The following THSD7A variants were observed in gnomAD, a reference collection of about 807,000 sequenced individuals.
THSD7A encodes the protein thrombospondin type-1 domain-containing protein 7A.
THSD7A carries 96 observed loss-of-function variants against 231.3 expected under a neutral mutation model. That is an observed-to-expected ratio of 0.41 (90% CI 0.35 to 0.49). The LOEUF (loss-of-function observed/expected upper bound fraction) is 0.49, where lower values mean the gene tolerates loss of function less well. Ranked by LOEUF, THSD7A falls within the 20% of genes least tolerant of loss-of-function variation. The pLI is 0.05. For synonymous variants in THSD7A, 940 were observed against 743.3 expected, an observed-to-expected ratio of 1.26 and a Z score of -4.30; for missense variants, 2,290 against 2,070.2, an observed-to-expected ratio of 1.11 and a Z score of -2.06.
chr7:11,801,554 G>A (rs897900421), intron 1 of THSD7A, among the ~76,000 whole-genome samples: 18 of 152,166 alleles, frequency 1.2e-4, no homozygotes, highest in Non-Finnish European at 1.8e-4. Context: ...TCAAAATATC[G>A]TGGATTCTAT....
At chr7:11,485,222 T>G (rs1180115390) in intron 6 of THSD7A, among the ~76,000 whole-genome samples, 1 of 152,106 alleles carries the variant, frequency 6.6e-6, no homozygotes, top group Non-Finnish European at 1.5e-5. Context: ...CCCAGGTAAT[T>G]TCTATGCATA....
At chr7:11,689,272 T>C (rs540376988) in intron 1 of THSD7A, among the ~76,000 whole-genome samples, 30 of 152,000 alleles carry the variant, frequency 2.0e-4, no homozygotes, top group African/African-American at 7.2e-4. Flanking sequence ...TGCCGGTTCA[T>C]TGACTGCCTT....
At chr7:11,401,761 G>A (rs370424154) in intron 23 of THSD7A, 34 bp downstream of exon 23, 26 of 1,540,700 alleles carry the variant, frequency 1.7e-5, no homozygotes, top group Non-Finnish European at 2.0e-5. Flanking sequence ...TTATGCTTTT[G>A]CTTAAGATAG....
At chr7:11,478,900 C>T (rs1012195105) in intron 7 of THSD7A, among the ~76,000 whole-genome samples, 5 of 151,994 alleles carry the variant, frequency 3.3e-5, no homozygotes, top group African/African-American at 1.2e-4. Context: ...CCCTCATTCG[C>T]CTTGAAGTTA....
intron 2 of THSD7A, among the ~76,000 whole-genome samples, chr7:11,624,537 C>T (rs1282762298): frequency 3.3e-5 from 5 of 152,088 alleles, no homozygotes; most frequent in African/African-American, 1.2e-4. Flanking sequence ...TTCCACCATA[C>T]CCTACTTAGG....
At chr7:11,563,655 C>A (rs1790172674) in intron 4 of THSD7A, among the ~76,000 whole-genome samples, 1 of 152,200 alleles carries the variant, frequency 6.6e-6, no homozygotes, top group Non-Finnish European at 1.5e-5. Flanking sequence ...AGCCACGATG[C>A]CCAGCCACTG....
At chr7:11,466,812 C>T (rs1371163499) in intron 9 of THSD7A, among the ~76,000 whole-genome samples, 1 of 152,156 alleles carries the variant, frequency 6.6e-6, no homozygotes, top group East Asian at 1.9e-4. Flanking sequence ...ATCTCAGGAA[C>T]ACCAGGAGAG....
chr7:11,678,453 G>A, intron 1 of THSD7A, among the ~76,000 whole-genome samples: 1 of 152,076 alleles, frequency 6.6e-6, no homozygotes, highest in Non-Finnish European at 1.5e-5. Flanking sequence ...CCGCTAGCCT[G>A]AGAAATAAAG....
At chr7:11,536,674 T>C (rs982088031) in intron 6 of THSD7A, among the ~76,000 whole-genome samples, 1 of 152,138 alleles carries the variant, frequency 6.6e-6, no homozygotes, top group African/African-American at 2.4e-5. Context: ...GCTTATTCAT[T>C]CCCCCTTTTC....
At chr7:11,725,482 C>T (rs1185824260) in intron 1 of THSD7A, among the ~76,000 whole-genome samples, 1 of 151,970 alleles carries the variant, frequency 6.6e-6, no homozygotes, top group South Asian at 2.1e-4. Flanking sequence ...CTAAGATTCA[C>T]TGCTTTCTCA....
In THSD7A at chr7:11,401,933, G is replaced by A; in HGVS notation, c.4273C>T (p.Leu1425=). Reference sequence around the variant, plus strand: ...CCATTCACACAGGTCAGCTGACACAGGCTCCAGGAAGACCAGTCCTTCAAA... The same window carrying A: ...CCATTCACACAGGTCAGCTGACACAAGCTCCAGGAAGACCAGTCCTTCAAA... ...CYLKDWSSWS[L]CQLTCVNGED... is the part of the protein sequence containing the mutation. Residue 1425 remains leucine (L), a synonymous_variant, in exon 23 of 28, where the codon CTG becomes TTG. Coordinates refer to ENST00000423059, the MANE Select transcript of THSD7A (RefSeq NM_015204.3). 6.2e-7 allele frequency: 1 copy of A among 1,613,330 alleles called. No individual in the cohort carries two copies. Among genetic ancestry groups the A allele is most frequent in the Non-Finnish European group, 8.5e-7 (1 of 1,179,612 alleles).
At chr7:11,826,436 C>T (rs1306124683) in intron 1 of THSD7A, among the ~76,000 whole-genome samples, 10 of 152,144 alleles carry the variant, frequency 6.6e-5, no homozygotes, top group Non-Finnish European at 8.8e-5. Context: ...CTAAGTCAGT[C>T]GCGTTTTGCT....
chr7:11,485,434 G>A (rs923223204), intron 6 of THSD7A, among the ~76,000 whole-genome samples: 1 of 152,108 alleles, frequency 6.6e-6, no homozygotes, highest in Non-Finnish European at 1.5e-5. Flanking sequence ...TTTATTCAAT[G>A]AATAGTTGCT....
intron 1 of THSD7A, among the ~76,000 whole-genome samples, chr7:11,686,322 T>C (rs1162924163): frequency 6.6e-6 from 1 of 151,886 alleles, no homozygotes; most frequent in East Asian, 1.9e-4. Context: ...CCCACACATG[T>C]ACCCCGAATC....
chr7:11,617,747 G>A lies in THSD7A; in HGVS notation c.1022+18383C>T, dbSNP rs558713006. On this transcript the variant is annotated intron_variant, in intron 2 of 27. Coordinates refer to ENST00000423059, the MANE Select transcript of THSD7A (RefSeq NM_015204.3). ...GGATGAAGCTGGAAACCATCATTCT[G>A]AGCAATCTATCACAAGGACTATAGG... is the stretch of plus-strand genomic sequence containing the variant. 8.5e-5 allele frequency among the ~76,000 whole-genome samples: 13 copies of A among 152,132 alleles called. No individual in the cohort carries two copies. The South Asian group carries it at 2.7e-3, about 32-fold the overall frequency.
Position 11,780,997 on chromosome 7 carries a change from C to CAAAAAAAAAAAAAA in THSD7A, c.190+50746_190+50759dup, listed in dbSNP as rs58931693. 5.5e-4 allele frequency among the ~76,000 whole-genome samples: 19 copies of CAAAAAAAAAAAAAA among 34,448 alleles called. 1 individual carries two copies. The highest frequency in any genetic ancestry group is 6.9e-4 in the Non-Finnish European group (13 of 18,860). The allele number at this position is 34,448 out of a possible 152,430, so 22.6% of individuals were successfully genotyped here. A position where few individuals can be genotyped will look rare whatever the true frequency, so the allele number is the denominator to read the frequency against. On this transcript the variant is annotated intron_variant, in intron 1 of 27. Transcript: ENST00000423059. ...TGGGCGACAGAGCGAGACTCCGTCT[C>CAAAAAAAAAAAAAA]AAAAAAAAAAAAAAAAAAAAAAAAA...
intron 1 of THSD7A, among the ~76,000 whole-genome samples, chr7:11,708,359 CATATGTTTGTAAAACAAA>C (rs1234667190): frequency 4.6e-5 from 7 of 150,590 alleles, no homozygotes; most frequent in Admixed American, 3.3e-4. Flanking sequence ...AGAAAGTTTC[CATATGTTTGTAAAACAAA>C]ATAACCATCA....
intron 6 of THSD7A, among the ~76,000 whole-genome samples, chr7:11,491,811 C>T (rs573570331): frequency 6.7e-6 from 1 of 150,102 alleles, no homozygotes; most frequent in Non-Finnish European, 1.5e-5. Flanking sequence ...CTTTGCCCTC[C>T]ATCACACTAA....
At chr7:11,806,129 A>G (rs752211254) in intron 1 of THSD7A, among the ~76,000 whole-genome samples, 43 of 152,300 alleles carry the variant, frequency 2.8e-4, no homozygotes, top group Middle Eastern at 3.4e-3. Flanking sequence ...AACAAATTAG[A>G]ATCTACTTAA....
Sources: allele counts gnomAD v4.1 joint callset (sites outside exome capture counted in the v4.1 genomes callset), GRCh38; gene constraint gnomAD v4.1.1; transcripts MANE v1.5; gene names NCBI Gene and HGNC (gene_info 2026-07-23, HGNC 2026-07-21).